Variants in TET2 observed in about 807,000 individuals in gnomAD.
TET2 encodes the protein tet methylcytosine dioxygenase 2.
Under a neutral mutation model 142.9 loss-of-function variants are expected in TET2, and 299 were observed. That is an observed-to-expected ratio of 2.09 (90% confidence interval 1.90 to 2.30). TET2 has a LOEUF of 2.30. Ranked by LOEUF, TET2 falls within the 30% of genes most tolerant of loss-of-function variation. The pLI, the probability that TET2 is intolerant of heterozygous loss-of-function variation, is 0.00. For synonymous variants in TET2, 819 were observed against 849.0 expected (o/e 0.96, Z 0.61); for missense variants, 2,418 against 2,378.0 (o/e 1.02, Z -0.35).
intron 1 of TET2, among the ~76,000 whole-genome samples, chr4:105,172,104 G>C (rs1393865860): frequency 2.0e-5 from 3 of 152,168 alleles, no homozygotes; most frequent in Non-Finnish European, 4.4e-5. Flanking sequence ...GCTCAGCAAA[G>C]TAGGGATGCG....
chr4:105,192,722 T>C (rs1429638984), intron 2 of TET2, among the ~76,000 whole-genome samples: 1 of 152,130 alleles, frequency 6.6e-6, no homozygotes, highest in Admixed American at 6.6e-5. Context: ...GAGCTTAGAA[T>C]CCATTAGAGT....
In TET2 at chr4:105,237,253, TTA is replaced by T. The variant is rs1181009796; in HGVS notation, c.3314_3315del (p.Ile1105ArgfsTer24). On this transcript the variant is annotated frameshift_variant, in exon 3 of 11. Coordinates refer to ENST00000380013, the MANE Select transcript of TET2 (RefSeq NM_001127208.3). LOFTEE classifies it high-confidence loss of function. ...ACAGCTGCTTCTGTTCTCAATAATTTTATAGAGTCACCTTCCAAATTACTAGA... is the reference window on the plus strand; with the variant it reads ...ACAGCTGCTTCTGTTCTCAATAATTTTAGAGTCACCTTCCAAATTACTAGA... 4 of 1,614,130 alleles carry T rather than the reference TTA, an allele frequency of 2.5e-6. No homozygotes were observed. Among genetic ancestry groups the T allele is most frequent in the Non-Finnish European group, 3.4e-6 (4 of 1,180,000 alleles).
At chr4:105,159,476 A>C (rs968539224) in intron 1 of TET2, among the ~76,000 whole-genome samples, 2 of 151,944 alleles carry the variant, frequency 1.3e-5, no homozygotes, top group African/African-American at 2.4e-5. Flanking sequence ...CCTGGTGTTG[A>C]ACTCCCGACT....
At chr4:105,249,260 A>G (rs897614880) in intron 6 of TET2, among the ~76,000 whole-genome samples, 1 of 152,134 alleles carries the variant, frequency 6.6e-6, no homozygotes, top group African/African-American at 2.4e-5. Flanking sequence ...CTCAGCCTCA[A>G]GTGATCCTTC....
intron 2 of TET2, among the ~76,000 whole-genome samples, chr4:105,227,237 A>T (rs1036917852): frequency 6.6e-6 from 1 of 152,212 alleles, no homozygotes; most frequent in African/African-American, 2.4e-5. Flanking sequence ...ATCCCTGGGT[A>T]AACAATTAGT....
At chr4:105,251,495 C>T (rs531505452) in intron 6 of TET2, among the ~76,000 whole-genome samples, 24 of 152,220 alleles carry the variant, frequency 1.6e-4, no homozygotes, top group Admixed American at 6.5e-4. Context: ...AATGATCATG[C>T]GTTCTTCTCC....
At chr4:105,225,189 T>C (rs1728113425) in intron 2 of TET2, among the ~76,000 whole-genome samples, 1 of 142,158 alleles carries the variant, frequency 7.0e-6, no homozygotes, top group South Asian at 2.7e-4. Flanking sequence ...AAAAATCGTG[T>C]GTGTGTGTGT....
Position 105,175,373 on chromosome 4 carries a change from A to G in TET2, c.-192-14987A>G, listed in dbSNP as rs144568093. Among the ~76,000 whole-genome samples the G allele has an allele frequency of 3.7e-4, 56 of 152,286 alleles. 1 individual carries two copies. The East Asian group carries it at 9.6e-3, about 26-fold the overall frequency. On this transcript the variant is annotated intron_variant, in intron 1 of 10. Coordinates refer to ENST00000380013, the MANE Select transcript of TET2 (RefSeq NM_001127208.3). ...GGATAATGTAAATATAGAGACGGAAATTTTAGGAAAGAACCAAAGAGAAAT... is the reference window on the plus strand; with the variant it reads ...GGATAATGTAAATATAGAGACGGAAGTTTTAGGAAAGAACCAAAGAGAAAT...
chr4:105,275,083 TCCCAGCAGC>T lies in TET2; in HGVS notation c.4580_4588del (p.Gln1527_Gln1529del). On this transcript the variant is annotated inframe_deletion, in exon 11 of 11. Transcript: ENST00000380013. ...ACTTTCAGGACCAGTCATGCAGCAG[TCCCAGCAGC>T]CCCAGCCTCTACAGAAGCAGCCACC... is the stretch of plus-strand genomic sequence containing the variant. The T allele has an allele frequency of 7.1e-6, 11 of 1,548,040 alleles. No individual in the cohort carries two copies. Among genetic ancestry groups the T allele is most frequent in the Non-Finnish European group, 9.6e-6 (11 of 1,145,164 alleles).
rs890730281 is a variant in TET2 at position 105,235,493 on chromosome 4, A to G, written c.1551A>G (p.Pro517=). The change falls in exon 3 of 11, where the codon CCA becomes CCG. Residue 517 remains proline, a synonymous_variant. Coordinates refer to ENST00000380013, the MANE Select transcript of TET2 (RefSeq NM_001127208.3). ...CAGAACACCTCAAGCATAACCCACC[A>G]ATTTTTGGTAGCAGTGGAGAGCTAC... ...PMSEHLKHNP[P]IFGSSGELQD... The G allele has an allele frequency of 4.3e-6, 7 of 1,614,018 alleles. No homozygotes were observed. The highest frequency in any genetic ancestry group is 2.2e-5 in the East Asian group (1 of 44,890).
At chr4:105,259,253 C>T (rs1383911452) in intron 6 of TET2, among the ~76,000 whole-genome samples, 1 of 151,970 alleles carries the variant, frequency 6.6e-6, no homozygotes, top group Non-Finnish European at 1.5e-5. Context: ...TAAAAATAGG[C>T]AGAACTACTA....
At chr4:105,223,795 CT>C (rs1728005460) in intron 2 of TET2, among the ~76,000 whole-genome samples, 1 of 152,002 alleles carries the variant, frequency 6.6e-6, no homozygotes, top group African/African-American at 2.4e-5. Flanking sequence ...CTCTGAATTA[CT>C]AATAGAGGTG....
chr4:105,277,380 C>A lies in TET2; in HGVS notation c.*861C>A, dbSNP rs1731273750. On this transcript the variant is annotated 3_prime_UTR_variant, in exon 11 of 11. Coordinates refer to ENST00000380013, the MANE Select transcript of TET2 (RefSeq NM_001127208.3). ...ACACAAACATGTATATGTGCACACA[C>A]ATGTATATGTATAAATATTTTAAAT... 8.9e-6 allele frequency: 2 copies of A among 224,820 alleles called. No homozygotes were observed. Among genetic ancestry groups the A allele is most frequent in the South Asian group, 3.7e-4 (2 of 5,478 alleles). The allele number at this position is 224,820 out of a possible 1,614,324, so 13.9% of individuals were successfully genotyped here.
At chr4:105,181,094 T>C (rs970586471) in intron 1 of TET2, among the ~76,000 whole-genome samples, 1 of 152,186 alleles carries the variant, frequency 6.6e-6, no homozygotes, top group African/African-American at 2.4e-5. Context: ...TCATCACTCT[T>C]ATGCTCATTT....
chr4:105,149,551 C>T (rs1723202887), intron 1 of TET2, among the ~76,000 whole-genome samples: 1 of 152,104 alleles, frequency 6.6e-6, no homozygotes, highest in Admixed American at 6.5e-5. Context: ...GATCATACTA[C>T]CTAGGTGCTC....
intron 1 of TET2, among the ~76,000 whole-genome samples, chr4:105,149,307 A>G (rs1723188682): frequency 6.6e-6 from 1 of 152,190 alleles, no homozygotes; most frequent in Admixed American, 6.5e-5. Flanking sequence ...GAATACAACT[A>G]TGAAGGCTTG....
At chr4:105,159,039 T>C (rs761229281) in intron 1 of TET2, among the ~76,000 whole-genome samples, 1 of 151,952 alleles carries the variant, frequency 6.6e-6, no homozygotes, top group Non-Finnish European at 1.5e-5. Flanking sequence ...GAGACTCTTA[T>C]GTAACAGTGG....
intron 6 of TET2, among the ~76,000 whole-genome samples, chr4:105,252,985 GATA>G (rs1398659650): frequency 6.6e-6 from 1 of 152,070 alleles, no homozygotes; most frequent in Non-Finnish European, 1.5e-5. Context: ...CTGTTCCATT[GATA>G]TATTTGTCTA....
At chr4:105,179,348 A>G (rs972875176) in intron 1 of TET2, among the ~76,000 whole-genome samples, 2 of 152,294 alleles carry the variant, frequency 1.3e-5, no homozygotes, top group African/African-American at 4.8e-5. Flanking sequence ...CTTGTTTGCA[A>G]TGAAGAATCA....
Sources: allele counts gnomAD v4.1 joint callset (sites outside exome capture counted in the v4.1 genomes callset), GRCh38; gene constraint gnomAD v4.1.1; transcripts MANE v1.5; gene names NCBI Gene and HGNC (gene_info 2026-07-23, HGNC 2026-07-21).